H6PD: variants seen among roughly 807,000 people sequenced by gnomAD.
H6PD encodes the protein GDH/6PGL endoplasmic bifunctional protein.
In H6PD, 48 loss-of-function variants were observed where a neutral mutation model predicts 61.2. The observed-to-expected ratio is 0.78, with a 90% CI of 0.62 to 1.00. The LOEUF (loss-of-function observed/expected upper bound fraction) is 1.00, where lower values mean the gene tolerates loss of function less well. Among genes scored for constraint, H6PD ranks in the 50% least tolerant of loss-of-function variants. The pLI is 0.00. For synonymous variants in H6PD, 480 were observed against 457.9 expected, an observed-to-expected ratio of 1.05 and a Z score of -0.62; for missense variants, 1,093 against 1,065.0, an observed-to-expected ratio of 1.03 and a Z score of -0.37.
rs542016001 is a variant in H6PD at position 9,235,993 on chromosome 1, T to G, written c.-11+927T>G. Among the ~76,000 whole-genome samples, 16 of 152,314 alleles carry G rather than the reference T, an allele frequency of 1.1e-4. No homozygotes were observed. In the South Asian group the frequency reaches 2.1e-3, roughly 20 times the overall value. On this transcript the variant is annotated intron_variant, in intron 1 of 4. Coordinates refer to ENST00000377403, the MANE Select transcript of H6PD (RefSeq NM_004285.4). The stretch of plus-strand genomic sequence containing the variant: ...GATCATGAAAAGCTGTCTGAGTTTT[T>G]CCTTGGCATTTTTCTGTGGTTGATG...
Position 9,262,138 on chromosome 1 carries a change from G to A in H6PD, c.825G>A (p.Val275=). The A allele has an allele frequency of 6.2e-7, 1 of 1,614,224 alleles. No individual in the cohort carries two copies. The highest frequency in any genetic ancestry group is 8.5e-7 in the Non-Finnish European group (1 of 1,180,014). The change falls in exon 4 of 5, where the codon GTG becomes GTA. Residue 275 remains valine, a synonymous_variant. Coordinates refer to ENST00000377403, the MANE Select transcript of H6PD (RefSeq NM_004285.4). The part of the protein sequence containing the change: ...QNHLTEVLTL[V]AMELPHNVSS... ...ATCTGACGGAGGTCCTCACCCTCGT[G>A]GCCATGGAGCTGCCCCACAATGTCA...
At chr1:9,243,415 C>A (rs1424320027) in intron 1 of H6PD, among the ~76,000 whole-genome samples, 1 of 152,126 alleles carries the variant, frequency 6.6e-6, no homozygotes, top group South Asian at 2.1e-4. Context: ...ATATAATAGG[C>A]GCTAAATCAG....
rs777263513 is a variant in H6PD at position 9,244,929 on chromosome 1, C to T, written c.-6C>T. ...CTGTCTCTCTTTGCACCCCAGGCAC[C>T]CAGGCATGTGGAATATGCTCATAGT... On this transcript the variant is annotated 5_prime_UTR_variant, in exon 2 of 5. Transcript: ENST00000377403. The T allele has an allele frequency of 2.5e-6, 4 of 1,579,548 alleles. No individual in the cohort carries two copies. In the African/African-American group the frequency reaches 4.0e-5, roughly 16 times the overall value.
rs765798107 is a variant in H6PD at position 9,246,826 on chromosome 1, G to A, written c.628-140G>A. On this transcript the variant is annotated intron_variant, in intron 2 of 4. Transcript: ENST00000377403. ...GGAACCTTTACTGGCCTGTGAGATC[G>A]TGAAGTCCAGAACTACTGCTCAGAG... 24 of 743,528 alleles carry A rather than the reference G, an allele frequency of 3.2e-5. 1 individual carries two copies. In the East Asian group the frequency reaches 4.6e-4, roughly 14 times the overall value. 46.1% of individuals were successfully genotyped at this position (743,528 alleles called of 1,614,324 possible). A position where few individuals can be genotyped will look rare whatever the true frequency, so the allele number is the denominator to read the frequency against.
At chr1:9,251,746 G>C (rs998694320) in intron 3 of H6PD, among the ~76,000 whole-genome samples, 3 of 152,190 alleles carry the variant, frequency 2.0e-5, no homozygotes, top group Non-Finnish European at 4.4e-5. Context: ...GGTGAGCCCA[G>C]GGCAGCTGCC....
Position 9,245,273 on chromosome 1 carries a change from G to A in H6PD, c.339G>A (p.Thr113=), listed in dbSNP as rs367730248. 6.8e-5 allele frequency: 109 copies of A among 1,614,204 alleles called. No homozygotes were observed. The highest frequency in any genetic ancestry group is 3.3e-4 in the Middle Eastern group (2 of 6,062). The change falls in exon 2 of 5, where the codon ACG becomes ACA. Residue 113 remains threonine, a synonymous_variant. Transcript: ENST00000377403. This position sits in a 1 kb window ranked among gnomAD's most constrained non-coding sequence, Gnocchi z 4.8. ...LQLSQYRQLK[T]AEDYQALNKD... ...TGAGCCAGTACCGCCAACTGAAGAC[G>A]GCCGAGGACTATCAGGCCCTGAACA...
intron 3 of H6PD, among the ~76,000 whole-genome samples, chr1:9,261,477 T>G (rs979121429): frequency 9.2e-5 from 14 of 152,192 alleles, no homozygotes; most frequent in African/African-American, 3.4e-4. Flanking sequence ...CTCTGTAATT[T>G]TGTTTACTTC....
chr1:9,265,336 G>T lies in H6PD; in HGVS notation c.*467G>T, dbSNP rs1171433846. The T allele has an allele frequency of 6.4e-6, 2 of 314,284 alleles. No individual in the cohort carries two copies. Among genetic ancestry groups the T allele is most frequent in the African/African-American group, 4.3e-5 (2 of 46,204 alleles). The allele number at this position is 314,284 out of a possible 1,614,324, so 19.5% of individuals were successfully genotyped here. A position where few individuals can be genotyped will look rare whatever the true frequency, so the allele number is the denominator to read the frequency against. On this transcript the variant is annotated 3_prime_UTR_variant, in exon 5 of 5. Transcript: ENST00000377403. ...AGACAGAAGGGTGCAGAGGCGCCCAGGGGAGTACATTGCCCCGTGCAAAGC... is the reference window on the plus strand; with the variant it reads ...AGACAGAAGGGTGCAGAGGCGCCCATGGGAGTACATTGCCCCGTGCAAAGC...
chr1:9,252,577 A>T (rs1264451618), intron 3 of H6PD, among the ~76,000 whole-genome samples: 1 of 152,216 alleles, frequency 6.6e-6, no homozygotes, highest in Non-Finnish European at 1.5e-5. Flanking sequence ...TAAAATTGAG[A>T]TACAATGCAC....
At chr1:9,257,827 T>C (rs1366328883) in intron 3 of H6PD, among the ~76,000 whole-genome samples, 1 of 152,242 alleles carries the variant, frequency 6.6e-6, no homozygotes, top group Non-Finnish European at 1.5e-5. Context: ...TGGCTCCTCG[T>C]GTCTGAGGCC....
intron 3 of H6PD, among the ~76,000 whole-genome samples, chr1:9,255,267 AT>A (rs1163444559): frequency 4.5e-5 from 5 of 111,650 alleles, no homozygotes; most frequent in Admixed American, 3.7e-4. Context: ...AATAACTCTT[AT>A]TTATTTATTT....
In H6PD at chr1:9,254,621, G is replaced by A. The variant is rs1641460884; in HGVS notation, c.746-7438G>A. Reference sequence around the variant, plus strand: ...CAGTCCCATCCTGTTCATCTTGGAGGTCGCAGACAGCTTCATCTTCCTGAA... The same window carrying A: ...CAGTCCCATCCTGTTCATCTTGGAGATCGCAGACAGCTTCATCTTCCTGAA... On this transcript the variant is annotated intron_variant, in intron 3 of 4. Coordinates refer to ENST00000377403, the MANE Select transcript of H6PD (RefSeq NM_004285.4). The surrounding 1 kb of genome is among the most constrained non-coding windows in gnomAD (Gnocchi z 4.6). Among the ~76,000 whole-genome samples, 1 of 152,118 alleles carries A rather than the reference G, an allele frequency of 6.6e-6. No homozygotes were observed. The highest frequency in any genetic ancestry group is 2.4e-5 in the African/African-American group (1 of 41,414).
intron 3 of H6PD, among the ~76,000 whole-genome samples, chr1:9,257,761 G>A (rs923023581): frequency 1.3e-5 from 2 of 152,222 alleles, no homozygotes; most frequent in Non-Finnish European, 2.9e-5. Context: ...AGTTTGCTGG[G>A]TGAACAAACA....
intron 1 of H6PD, among the ~76,000 whole-genome samples, chr1:9,235,408 A>G (rs1310373248): frequency 2.6e-5 from 4 of 151,960 alleles, no homozygotes; most frequent in Admixed American, 2.0e-4. Flanking sequence ...TCCAGGGGCA[A>G]ACCTCTCTGG....
chr1:9,262,802 C>T (rs550811448), intron 4 of H6PD, among the ~76,000 whole-genome samples: 4 of 152,244 alleles, frequency 2.6e-5, no homozygotes, highest in Non-Finnish European at 5.9e-5. Context: ...GTAAGAGCCA[C>T]AGCTGCCTGT....
intron 1 of H6PD, among the ~76,000 whole-genome samples, chr1:9,236,395 C>T (rs1640849738): frequency 1.3e-5 from 2 of 152,338 alleles, no homozygotes; most frequent in Middle Eastern, 3.4e-3. Flanking sequence ...GGCCCAGTGG[C>T]TCACGCCTGT....
rs778974717 is a variant in H6PD at position 9,263,604 on chromosome 1, A to C, written c.1111A>C (p.Ile371Leu). The C allele has an allele frequency of 1.6e-5, 26 of 1,614,084 alleles. No individual in the cohort carries two copies. Among genetic ancestry groups the C allele is most frequent in the Non-Finnish European group, 1.9e-5 (22 of 1,180,018 alleles). The change falls in exon 5 of 5, where the codon ATC becomes CTC. Residue 371 changes from isoleucine to leucine, a missense_variant. Transcript: ENST00000377403. ...ALDERVGYAR[I>L]LFKNQACCVQ... The stretch of plus-strand genomic sequence containing the variant: ...GGACGAGAGAGTGGGCTACGCTCGG[A>C]TCTTGTTCAAGAACCAGGCCTGCTG...
intron 2 of H6PD, among the ~76,000 whole-genome samples, chr1:9,246,597 C>T (rs1641182167): frequency 6.6e-6 from 1 of 152,156 alleles, no homozygotes; most frequent in African/African-American, 2.4e-5. Context: ...TGGGCCAGTC[C>T]TGGGGAGGTT....
chr1:9,260,045 T>C (rs1352613770), intron 3 of H6PD, among the ~76,000 whole-genome samples: 1 of 152,158 alleles, frequency 6.6e-6, no homozygotes, highest in Non-Finnish European at 1.5e-5. Context: ...ACTGCTGTTA[T>C]GCTGGTGTTA....
Sources: allele counts gnomAD v4.1 joint callset (sites outside exome capture counted in the v4.1 genomes callset), GRCh38; gene constraint gnomAD v4.1.1; non-coding constraint Gnocchi (gnomAD v3.1); transcripts MANE v1.5; gene names NCBI Gene and HGNC (gene_info 2026-07-23, HGNC 2026-07-21).